PRKG1: variants seen among roughly 807,000 people sequenced by gnomAD.
PRKG1 encodes cGMP-dependent protein kinase 1.
In PRKG1, 35 loss-of-function variants were observed where a neutral mutation model predicts 88.1. The ratio of observed to expected loss-of-function variants is 0.40; its 90% confidence interval spans 0.30 to 0.53. PRKG1 has a LOEUF of 0.53. PRKG1 is among the 20% of genes least tolerant of loss of function. The pLI, the probability that PRKG1 is intolerant of heterozygous loss-of-function variation, is 0.59. For synonymous variants in PRKG1, 303 were observed against 292.5 expected (o/e 1.04, Z -0.37); for missense variants, 540 against 839.8 (o/e 0.64, Z 4.41).
At chr10:52,068,437 C>T (rs893535029) in intron 7 of PRKG1, among the ~76,000 whole-genome samples, 1 of 152,126 alleles carries the variant, frequency 6.6e-6, no homozygotes, top group Non-Finnish European at 1.5e-5. Flanking sequence ...CTAAGAGATC[C>T]AGTTCAGAGC....
intron 8 of PRKG1, among the ~76,000 whole-genome samples, chr10:52,141,077 CT>C (rs1281587676): frequency 6.6e-6 from 1 of 152,034 alleles, no homozygotes; most frequent in Non-Finnish European, 1.5e-5. Flanking sequence ...ACAAATGTGC[CT>C]TTTTAGAATG....
chr10:52,042,326 C>T (rs989455196), intron 5 of PRKG1, among the ~76,000 whole-genome samples: 5 of 151,990 alleles, frequency 3.3e-5, no homozygotes, highest in African/African-American at 1.2e-4. Context: ...CTTCAAAATA[C>T]ACTAACAAGC....
At chr10:52,046,787 G>A (rs1170545899) in intron 5 of PRKG1, 3 of 152,050 alleles carry the variant, frequency 2.0e-5, no homozygotes, top group Non-Finnish European at 2.9e-5. Context: ...TTCATAGGAG[G>A]CACACATAAA....
At chr10:51,323,731 A>T (rs1841511222) in intron 2 of PRKG1, among the ~76,000 whole-genome samples, 1 of 152,190 alleles carries the variant, frequency 6.6e-6, no homozygotes, top group Non-Finnish European at 1.5e-5. Flanking sequence ...CACTTTGGGA[A>T]GCCAAGGCAG....
intron 7 of PRKG1, among the ~76,000 whole-genome samples, chr10:52,087,475 G>T (rs1432119620): frequency 6.6e-6 from 1 of 151,958 alleles, no homozygotes; most frequent in Non-Finnish European, 1.5e-5. Flanking sequence ...GACTTTGCTT[G>T]TGATTTTTCC....
At chr10:51,624,292 T>C (rs1839280583) in intron 3 of PRKG1, among the ~76,000 whole-genome samples, 2 of 152,306 alleles carry the variant, frequency 1.3e-5, no homozygotes, top group South Asian at 4.1e-4. Flanking sequence ...AGTGTTCTTT[T>C]AGGATTTATG....
chr10:51,995,389 G>A (rs1844414188), intron 5 of PRKG1, among the ~76,000 whole-genome samples: 1 of 152,158 alleles, frequency 6.6e-6, no homozygotes, highest in Non-Finnish European at 1.5e-5. Context: ...TTTTCTGAAT[G>A]ATCTGGATAA....
chr10:51,191,973 T>A (rs115851678), intron 2 of PRKG1, among the ~76,000 whole-genome samples: 159 of 151,942 alleles, frequency 1.0e-3, no homozygotes, highest in African/African-American at 3.6e-3. Flanking sequence ...TCAGTGGTTT[T>A]GAGGTTACTA....
intron 3 of PRKG1, among the ~76,000 whole-genome samples, chr10:51,572,529 G>A (rs1379233196): frequency 6.6e-6 from 1 of 151,844 alleles, no homozygotes; most frequent in East Asian, 1.9e-4. Flanking sequence ...TTACAGATGA[G>A]AAAATAGAGC....
intron 3 of PRKG1, among the ~76,000 whole-genome samples, chr10:51,577,739 T>C (rs1262772778): frequency 6.6e-6 from 1 of 152,082 alleles, no homozygotes; most frequent in Non-Finnish European, 1.5e-5. Context: ...GAGTTTTGTT[T>C]TGGTTACCTG....
chr10:52,085,010 G>A (rs1277836978), intron 7 of PRKG1, among the ~76,000 whole-genome samples: 4 of 151,988 alleles, frequency 2.6e-5, no homozygotes, highest in East Asian at 3.9e-4. Flanking sequence ...ACTACATTGA[G>A]GTTATGTATT....
At chr10:51,791,749 A>C (rs1838875699) in intron 3 of PRKG1, among the ~76,000 whole-genome samples, 2 of 152,086 alleles carry the variant, frequency 1.3e-5, no homozygotes, top group Non-Finnish European at 2.9e-5. Flanking sequence ...AGGGGGAAAA[A>C]TTCTAGTTGA....
At chr10:51,872,319 A>AT (rs1333270938) in intron 4 of PRKG1, among the ~76,000 whole-genome samples, 5 of 152,206 alleles carry the variant, frequency 3.3e-5, no homozygotes, top group East Asian at 1.9e-4. Context: ...TGCTTCATAG[A>AT]TTTTTTGTGG....
At chr10:51,681,530 TA>T (rs990438318) in intron 3 of PRKG1, among the ~76,000 whole-genome samples, 2 of 152,072 alleles carry the variant, frequency 1.3e-5, no homozygotes, top group Non-Finnish European at 2.9e-5. Flanking sequence ...AGATGCTCCT[TA>T]AAAAAACCCC....
intron 3 of PRKG1, among the ~76,000 whole-genome samples, chr10:51,792,156 CA>C (rs1838884618): frequency 2.0e-5 from 3 of 152,034 alleles, no homozygotes; most frequent in Non-Finnish European, 1.5e-5. Context: ...AAACAGCTCA[CA>C]AGTGATTGTG....
At chr10:51,826,045 T>C (rs1047585598) in intron 4 of PRKG1, among the ~76,000 whole-genome samples, 10 of 152,174 alleles carry the variant, frequency 6.6e-5, no homozygotes, top group Non-Finnish European at 1.3e-4. Context: ...GGAGTTGATT[T>C]GTAAAAGCTA....
At chr10:52,246,729 A>C (rs1841032820) in intron 9 of PRKG1, among the ~76,000 whole-genome samples, 1 of 151,888 alleles carries the variant, frequency 6.6e-6, no homozygotes, top group South Asian at 2.1e-4. Flanking sequence ...ATACAAAATG[A>C]GCCATGCGTG....
intron 3 of PRKG1, among the ~76,000 whole-genome samples, chr10:51,743,737 A>AATATATATATATAT (rs369411662): frequency 6.0e-4 from 24 of 40,326 alleles, no homozygotes; most frequent in African/African-American, 1.0e-3. Flanking sequence ...ATATAAACTA[A>AATATATATATATAT]ATATATATAT....
chr10:51,344,976 C>T (rs373140724), intron 2 of PRKG1, among the ~76,000 whole-genome samples: 187 of 152,186 alleles, frequency 1.2e-3, no homozygotes, highest in African/African-American at 4.4e-3. Context: ...AATAACAAGA[C>T]TGTTTCTTTA....
Sources: allele counts gnomAD v4.1 joint callset (sites outside exome capture counted in the v4.1 genomes callset), GRCh38; gene constraint gnomAD v4.1.1; transcripts MANE v1.5; gene names NCBI Gene and HGNC (gene_info 2026-07-23, HGNC 2026-07-21).